The following FGF14 variants were observed in gnomAD, a reference collection of about 807,000 sequenced individuals.
FGF14 encodes the protein fibroblast growth factor 14.
FGF14 carries 5 observed loss-of-function variants against 25.5 expected under a neutral mutation model. That is an observed-to-expected ratio of 0.20 (90% confidence interval 0.10 to 0.41). The LOEUF (loss-of-function observed/expected upper bound fraction) is 0.41. FGF14 is among the 10% of genes least tolerant of loss of function. FGF14 has a pLI of 1.00. For synonymous variants in FGF14, 138 were observed against 118.3 expected (o/e 1.17, Z -1.08); for missense variants, 222 against 320.1 (o/e 0.69, Z 2.34).
At chr13:101,797,234 GT>G (rs1471173385) in intron 3 of FGF14, among the ~76,000 whole-genome samples, 1 of 151,974 alleles carries the variant, frequency 6.6e-6, no homozygotes, top group Non-Finnish European at 1.5e-5. Context: ...TATGCTTCTG[GT>G]TTTTCCTTCT....
Position 102,384,753 on chromosome 13 carries a change from G to A in FGF14, c.208+16718C>T, listed in dbSNP as rs75794019. Among the ~76,000 whole-genome samples the A allele has an allele frequency of 9.3e-3, 1,415 of 152,130 alleles. 21 individuals are homozygous for A. The highest frequency in any genetic ancestry group is 0.032 in the African/African-American group (1,344 of 41,496). On this transcript the variant is annotated intron_variant, in intron 1 of 4. Coordinates refer to the FGF14 transcript ENST00000376131. The stretch of plus-strand genomic sequence containing the variant: ...TTATTTACTGTTTTATTAAACCATC[G>A]CTTCTGATCAACTTGGAGATCAGCT...
chr13:101,836,721 A>G (rs998777605), intron 3 of FGF14, among the ~76,000 whole-genome samples: 2 of 152,070 alleles, frequency 1.3e-5, no homozygotes, highest in African/African-American at 4.8e-5. Flanking sequence ...TACAATTAAA[A>G]CTTTAATTTC....
chr13:101,802,144 G>A (rs922853535), intron 3 of FGF14: 9 of 251,088 alleles, frequency 3.6e-5, no homozygotes, highest in African/African-American at 1.8e-4. Flanking sequence ...GATGTCCCAA[G>A]AAGGCCACCA....
chr13:102,084,602 G>A (rs141490588), intron 1 of FGF14, among the ~76,000 whole-genome samples: 262 of 152,190 alleles, frequency 1.7e-3, no homozygotes, highest in Non-Finnish European at 2.8e-3. Flanking sequence ...CTGGCATGGA[G>A]AAATAAATAC....
chr13:102,281,080 A>AGAG (rs1263074344), intron 1 of FGF14, among the ~76,000 whole-genome samples: 1 of 152,140 alleles, frequency 6.6e-6, no homozygotes, highest in Non-Finnish European at 1.5e-5. Context: ...TTTTTCCCCA[A>AGAG]GTGCTTGAGT....
At chr13:101,950,253 C>T (rs1274128073) in intron 1 of FGF14, among the ~76,000 whole-genome samples, 1 of 152,142 alleles carries the variant, frequency 6.6e-6, no homozygotes, top group Non-Finnish European at 1.5e-5. Flanking sequence ...ACATAAATTT[C>T]TAAACTAAGC....
chr13:102,349,557 T>G (rs1468827609), intron 1 of FGF14, among the ~76,000 whole-genome samples: 1 of 152,214 alleles, frequency 6.6e-6, no homozygotes. Flanking sequence ...ATAATGCCAC[T>G]TATCAGGAGT....
intron 1 of FGF14, among the ~76,000 whole-genome samples, chr13:102,239,956 T>G (rs2051512818): frequency 6.6e-6 from 1 of 152,184 alleles, no homozygotes; most frequent in African/African-American, 2.4e-5. Flanking sequence ...TTTTACAAGA[T>G]AAATGCAAAG....
chr13:101,787,011 G>C (rs949752938), intron 3 of FGF14, among the ~76,000 whole-genome samples: 2 of 152,032 alleles, frequency 1.3e-5, no homozygotes, highest in African/African-American at 4.8e-5. Context: ...CATACAATCT[G>C]TCTTGTCTTC....
intron 1 of FGF14, among the ~76,000 whole-genome samples, chr13:102,347,111 A>T (rs896321085): frequency 6.6e-6 from 1 of 152,166 alleles, no homozygotes; most frequent in Non-Finnish European, 1.5e-5. Flanking sequence ...GAGATGCATG[A>T]CCATGGCCAG....
chr13:102,085,137 C>T (rs139626059), intron 1 of FGF14, among the ~76,000 whole-genome samples: 234 of 152,300 alleles, frequency 1.5e-3, no homozygotes, highest in African/African-American at 5.4e-3. Context: ...GTGCAATACA[C>T]GCTCTACATA....
chr13:101,926,159 C>A (rs373897867), intron 1 of FGF14, among the ~76,000 whole-genome samples: 23 of 152,202 alleles, frequency 1.5e-4, no homozygotes, highest in African/African-American at 5.5e-4. Context: ...AGGATATGGG[C>A]ACCTTGGGGG....
chr13:102,017,257 A>G (rs573360263), intron 1 of FGF14, among the ~76,000 whole-genome samples: 6 of 152,292 alleles, frequency 3.9e-5, no homozygotes, highest in Admixed American at 3.9e-4. Context: ...TAGTCACCCT[A>G]GACTGCTAAA....
At chr13:102,028,472 T>A (rs533447099) in intron 1 of FGF14, among the ~76,000 whole-genome samples, 2 of 152,200 alleles carry the variant, frequency 1.3e-5, no homozygotes, top group South Asian at 4.1e-4. Context: ...GCCTTCAGAA[T>A]GATGAGAAGC....
At chr13:101,935,100 G>A (rs978274864) in intron 1 of FGF14, among the ~76,000 whole-genome samples, 1 of 152,146 alleles carries the variant, frequency 6.6e-6, no homozygotes, top group Non-Finnish European at 1.5e-5. Context: ...GAAAAGTAGG[G>A]CAATTATTTA....
At chr13:101,974,174 G>C (rs2037785076) in intron 1 of FGF14, among the ~76,000 whole-genome samples, 1 of 152,194 alleles carries the variant, frequency 6.6e-6, no homozygotes, top group Non-Finnish European at 1.5e-5. Flanking sequence ...GTCAGTCCTT[G>C]TAAAGTTTGA....
intron 1 of FGF14, among the ~76,000 whole-genome samples, chr13:102,189,043 AGAAAGAATGAAAGAAG>A (rs1566797304): frequency 1.5e-5 from 1 of 65,230 alleles, no homozygotes; most frequent in Non-Finnish European, 3.4e-5. Context: ...AGAAAGAAAG[AGAAAGAATGAAAGAAG>A]AAAAGAAAGA....
chr13:102,035,718 G>A (rs1566601485), intron 1 of FGF14, among the ~76,000 whole-genome samples: 1 of 152,114 alleles, frequency 6.6e-6, no homozygotes, highest in African/African-American at 2.4e-5. Context: ...ATTATTTAAG[G>A]TTTTTACTAC....
chr13:102,185,389 T>C (rs946110446), intron 1 of FGF14, among the ~76,000 whole-genome samples: 1 of 152,190 alleles, frequency 6.6e-6, no homozygotes, highest in African/African-American at 2.4e-5. Context: ...GAAAGAGAAA[T>C]TAAGAGATGG....
Sources: gnomAD v4.1 joint callset for allele counts (sites outside exome capture counted in the v4.1 genomes callset) on GRCh38, gnomAD v4.1.1 for gene constraint, MANE v1.5 for transcripts, NCBI Gene and HGNC (gene_info 2026-07-23, HGNC 2026-07-21) for gene names.